PRKN: variants seen among roughly 807,000 people sequenced by gnomAD.
The protein encoded by PRKN is parkin RBR E3 ubiquitin protein ligase, also known as E3 ubiquitin-protein ligase parkin.
Under a neutral mutation model 59.5 loss-of-function variants are expected in PRKN, and 56 were observed. That is an observed-to-expected ratio of 0.94 (90% CI 0.76 to 1.18). The LOEUF (loss-of-function observed/expected upper bound fraction) is 1.18, where lower values mean the gene tolerates loss of function less well. PRKN is among the 50% of genes most tolerant of loss of function. The pLI is 0.00. For missense variants in PRKN, 657 were observed against 596.4 expected (o/e 1.10, Z -1.06); for synonymous variants, 250 against 222.1 (o/e 1.13, Z -1.12).
intron 1 of PRKN, among the ~76,000 whole-genome samples, chr6:162,656,528 G>A (rs1778645918): frequency 6.6e-6 from 1 of 152,128 alleles, no homozygotes; most frequent in Non-Finnish European, 1.5e-5. Context: ...CATTCAATCC[G>A]ACAATTGAAT....
rs188725572 is a variant in PRKN, at chr6:161,931,458, G to C, written c.734+41844C>G. On this transcript the variant is annotated intron_variant, in intron 6 of 11. Coordinates refer to ENST00000366898, the MANE Select transcript of PRKN (RefSeq NM_004562.3). ...CCCAGCACCCCCAGAGGCATTGTGT[G>C]AAGTTCCAAGAAGGTACTGGAAGGT... Among the ~76,000 whole-genome samples the C allele has an allele frequency of 1.9e-3, 295 of 152,246 alleles. 1 individual carries two copies. The highest frequency in any genetic ancestry group is 4.2e-3 in the South Asian group (20 of 4,816).
At chr6:162,614,275 G>A (rs1782309885) in intron 1 of PRKN, among the ~76,000 whole-genome samples, 1 of 152,074 alleles carries the variant, frequency 6.6e-6, no homozygotes, top group African/African-American at 2.4e-5. Flanking sequence ...AGATGGCGGT[G>A]GCAATGGCAT....
intron 9 of PRKN, among the ~76,000 whole-genome samples, chr6:161,439,153 G>C (rs1243461322): frequency 3.3e-5 from 5 of 152,214 alleles, no homozygotes; most frequent in African/African-American, 9.6e-5. Flanking sequence ...GGAAAAGGCA[G>C]ACAAGGTCCT....
intron 1 of PRKN, among the ~76,000 whole-genome samples, chr6:162,594,848 T>A: frequency 6.6e-6 from 1 of 152,216 alleles, no homozygotes; most frequent in East Asian, 1.9e-4. Flanking sequence ...TCTTCCTTTC[T>A]TAGAGCTTAT....
In PRKN at chr6:161,750,118, T is replaced by TATATAC. The variant is rs1269147499; in HGVS notation, c.871+35653_871+35654insGTATAT. On this transcript the variant is annotated intron_variant, in intron 7 of 11. Transcript: ENST00000366898. Reference sequence around the variant, plus strand: ...TAGGACATATATATATATATATATATACACACACACACACACACACACACA... The same window carrying TATATAC: ...TAGGACATATATATATATATATATATATATACACACACACACACACACACACACACA... 5.7e-3 allele frequency among the ~76,000 whole-genome samples: 790 copies of TATATAC among 137,796 alleles called. 5 individuals carry two copies. Among genetic ancestry groups the TATATAC allele is most frequent in the Non-Finnish European group, 9.6e-3 (608 of 63,574 alleles). 90.4% of individuals were successfully genotyped at this position (137,796 alleles called of 152,430 possible).
intron 2 of PRKN, among the ~76,000 whole-genome samples, chr6:162,303,353 A>G (rs1782052148): frequency 6.6e-6 from 1 of 152,152 alleles, no homozygotes; most frequent in Non-Finnish European, 1.5e-5. Context: ...CAATACAAAA[A>G]CTTTTGTTTC....
chr6:161,367,470 CT>C (rs77405672), intron 10 of PRKN, among the ~76,000 whole-genome samples: 152 of 138,242 alleles, frequency 1.1e-3, no homozygotes, highest in South Asian at 2.5e-3. Context: ...TGTGTCTTTT[CT>C]TTTTTTTTTT....
rs765988655 is a variant in PRKN, at chr6:162,476,057, CT to C, written c.8-32585del. On this transcript the variant is annotated intron_variant, in intron 1 of 11. Coordinates refer to ENST00000366898, the MANE Select transcript of PRKN (RefSeq NM_004562.3). ...CCACCGCACCTGGCCTAACACCACT[CT>C]TTTTTTTTTTTTTTTTGAGACGGAG... 1.6e-3 allele frequency among the ~76,000 whole-genome samples: 177 copies of C among 113,010 alleles called. 3 individuals are homozygous for C. The highest frequency in any genetic ancestry group is 1.2e-3 in the South Asian group (4 of 3,354). 74.1% of individuals were successfully genotyped at this position (113,010 alleles called of 152,430 possible). A position where few individuals can be genotyped will look rare whatever the true frequency, so the allele number is the denominator to read the frequency against.
intron 1 of PRKN, among the ~76,000 whole-genome samples, chr6:162,615,229 A>C (rs1782354620): frequency 6.6e-6 from 1 of 152,228 alleles, no homozygotes; most frequent in Non-Finnish European, 1.5e-5. Flanking sequence ...GCATACAATT[A>C]ACAATTTTTG....
At chr6:161,589,147 C>T (rs73782948) in intron 7 of PRKN, among the ~76,000 whole-genome samples, 12,143 of 152,248 alleles carry the variant, frequency 0.08, 1,637 homozygotes, top group African/African-American at 0.28. Context: ...GTCAAGAAAC[C>T]TGCTGAAATA....
At chr6:162,580,152 A>G (rs2128211041) in intron 1 of PRKN, among the ~76,000 whole-genome samples, 1 of 152,286 alleles carries the variant, frequency 6.6e-6, no homozygotes, top group Admixed American at 6.5e-5. Flanking sequence ...TGAAAGTAAC[A>G]TTGGCTGCAC....
intron 5 of PRKN, among the ~76,000 whole-genome samples, chr6:161,987,354 T>C (rs1781473138): frequency 2.0e-5 from 3 of 152,314 alleles, no homozygotes; most frequent in African/African-American, 7.2e-5. Context: ...ATCCTACTTA[T>C]GTAAAATATA....
chr6:162,278,603 A>G (rs1047917359), intron 2 of PRKN, among the ~76,000 whole-genome samples: 2 of 152,096 alleles, frequency 1.3e-5, no homozygotes, highest in Non-Finnish European at 2.9e-5. Flanking sequence ...AAAAATAAAT[A>G]AATAAAGGCT....
chr6:161,718,544 GC>G (rs1787084577), intron 7 of PRKN, among the ~76,000 whole-genome samples: 1 of 151,986 alleles, frequency 6.6e-6, no homozygotes, highest in African/African-American at 2.4e-5. Context: ...ATTTCAGGGG[GC>G]TAGAGATGTG....
intron 1 of PRKN, among the ~76,000 whole-genome samples, chr6:162,557,119 T>C (rs1779639680): frequency 6.6e-6 from 1 of 152,222 alleles, no homozygotes; most frequent in African/African-American, 2.4e-5. Flanking sequence ...AACAGAAAGC[T>C]GAACAATTCC....
intron 2 of PRKN, among the ~76,000 whole-genome samples, chr6:162,391,532 A>C (rs980936906): frequency 1.0e-4 from 15 of 143,434 alleles, no homozygotes; most frequent in Admixed American, 2.1e-4. Flanking sequence ...GGATTTCGAA[A>C]ATCTGCAATG....
intron 9 of PRKN, among the ~76,000 whole-genome samples, chr6:161,474,393 T>C (rs1790961362): frequency 6.6e-6 from 1 of 152,216 alleles, no homozygotes; most frequent in Admixed American, 6.5e-5. Flanking sequence ...GTGGAGCTTG[T>C]GAACTTGGAT....
intron 2 of PRKN, among the ~76,000 whole-genome samples, chr6:162,339,784 T>G (rs527666616): frequency 9.9e-4 from 150 of 150,782 alleles, no homozygotes; most frequent in African/African-American, 3.6e-3. Flanking sequence ...TTCATTTTGT[T>G]CTGCACTAAG....
intron 7 of PRKN, among the ~76,000 whole-genome samples, chr6:161,661,301 C>T (rs1360159877): frequency 2.6e-5 from 4 of 152,184 alleles, no homozygotes; most frequent in Admixed American, 6.5e-5. Flanking sequence ...TGCTCTTCTC[C>T]ACACTCACTG....
Sources: gnomAD v4.1 joint callset for allele counts (sites outside exome capture counted in the v4.1 genomes callset) on GRCh38, gnomAD v4.1.1 for gene constraint, MANE v1.5 for transcripts, NCBI Gene and HGNC (gene_info 2026-07-23, HGNC 2026-07-21) for gene names.